MTSS1: variants seen among roughly 807,000 people sequenced by gnomAD.
The protein encoded by MTSS1 is protein MTSS 1.
Under a neutral mutation model 79.0 loss-of-function variants are expected in MTSS1, and 18 were observed. That is an observed-to-expected ratio of 0.23 (90% CI 0.16 to 0.34). The LOEUF (loss-of-function observed/expected upper bound fraction) is 0.34, where lower values mean the gene tolerates loss of function less well. Ranked by LOEUF, MTSS1 falls within the 10% of genes least tolerant of loss-of-function variation. The pLI, the probability that MTSS1 is intolerant of heterozygous loss-of-function variation, is 1.00. For missense variants in MTSS1, 815 were observed against 986.2 expected, an observed-to-expected ratio of 0.83 and a Z score of 2.33; for synonymous variants, 341 against 368.6, an observed-to-expected ratio of 0.93 and a Z score of 0.86.
chr8:124,575,228 C>G (rs1233662314), intron 6 of MTSS1, among the ~76,000 whole-genome samples: 1 of 152,042 alleles, frequency 6.6e-6, no homozygotes, highest in Non-Finnish European at 1.5e-5. Flanking sequence ...TTGACTGATT[C>G]CCAAAAGAAA....
chr8:124,556,134 A>G, intron 12 of MTSS1, 98 bp downstream of exon 12: 1 of 1,581,804 alleles, frequency 6.3e-7, no homozygotes, highest in Non-Finnish European at 8.6e-7. Flanking sequence ...AGGTCCCTCC[A>G]GCTGCAAGGC....
intron 1 of MTSS1, among the ~76,000 whole-genome samples, chr8:124,717,507 A>G (rs1832250227): frequency 6.6e-6 from 1 of 150,676 alleles, no homozygotes; most frequent in Non-Finnish European, 1.5e-5. Flanking sequence ...AGGCAGGAGA[A>G]TCACTTGAAC....
chr8:124,556,502 C>T, intron 11 of MTSS1, 97 bp from the exon 12 acceptor site: 1 of 1,338,448 alleles, frequency 7.5e-7, no homozygotes, highest in Non-Finnish European at 1.0e-6. Flanking sequence ...GCAGCTGGTC[C>T]CCTTAAGGGG....
At chr8:124,587,704 C>T (rs541107105) in intron 5 of MTSS1, among the ~76,000 whole-genome samples, 1 of 152,162 alleles carries the variant, frequency 6.6e-6, no homozygotes, top group South Asian at 2.1e-4. Flanking sequence ...GGGGTTTTGC[C>T]ATGTTGGCCA....
Position 124,727,004 on chromosome 8 carries a change from A to T in MTSS1, c.72+880T>A, listed in dbSNP as rs1833799948. On this transcript the variant is annotated intron_variant, in intron 1 of 13. Coordinates refer to ENST00000518547, the MANE Select transcript of MTSS1 (RefSeq NM_014751.6). The surrounding 1 kb of genome is among the most constrained non-coding windows in gnomAD (Gnocchi z 4.7). Reference sequence around the variant, plus strand: ...GGGCCCTGGTCTATCTCTAGGCACCAGAAAATCCACATCCGAGGATCAGGT... The same window carrying T: ...GGGCCCTGGTCTATCTCTAGGCACCTGAAAATCCACATCCGAGGATCAGGT... 6.6e-6 allele frequency among the ~76,000 whole-genome samples: 1 copy of T among 152,206 alleles called. No homozygotes were observed. Among genetic ancestry groups the T allele is most frequent in the African/African-American group, 2.4e-5 (1 of 41,442 alleles).
chr8:124,680,449 A>C (rs56218596), intron 3 of MTSS1, among the ~76,000 whole-genome samples: 3,932 of 152,302 alleles, frequency 0.026, 169 homozygotes, highest in African/African-American at 0.091. Flanking sequence ...AGGCCTAGGC[A>C]GCTGAGTCCC....
chr8:124,710,876 C>G (rs796612519), intron 1 of MTSS1, among the ~76,000 whole-genome samples: 1 of 152,080 alleles, frequency 6.6e-6, no homozygotes, highest in Non-Finnish European at 1.5e-5. Flanking sequence ...GGAGGACTTA[C>G]GTGAGGAGGA....
At chr8:124,586,847 G>A (rs1830945410) in intron 5 of MTSS1, among the ~76,000 whole-genome samples, 1 of 152,192 alleles carries the variant, frequency 6.6e-6, no homozygotes, top group African/African-American at 2.4e-5. Context: ...GTGCTTCTCT[G>A]TATGCAGTGG....
At chr8:124,636,253 T>C (rs1000475513) in intron 3 of MTSS1, among the ~76,000 whole-genome samples, 3 of 152,192 alleles carry the variant, frequency 2.0e-5, no homozygotes, top group Non-Finnish European at 4.4e-5. Flanking sequence ...CCTCAGCCTC[T>C]GGAGTAGCTC....
At chr8:124,621,019 A>G (rs1390741630) in intron 3 of MTSS1, among the ~76,000 whole-genome samples, 1 of 152,152 alleles carries the variant, frequency 6.6e-6, no homozygotes, top group African/African-American at 2.4e-5. Context: ...AGGCCAGAAA[A>G]GAAGAAGCAT....
intron 3 of MTSS1, among the ~76,000 whole-genome samples, chr8:124,632,241 C>T (rs1035604059): frequency 1.4e-5 from 2 of 145,012 alleles, no homozygotes; most frequent in Non-Finnish European, 3.0e-5. Flanking sequence ...ACCATAACCA[C>T]TGCACTCTAG....
intron 8 of MTSS1, among the ~76,000 whole-genome samples, chr8:124,566,480 CAT>C (rs1826495275): frequency 6.6e-6 from 1 of 152,186 alleles, no homozygotes. Context: ...CAAAAGCCAG[CAT>C]GTGATTCATC....
At chr8:124,614,658 A>G (rs1836507108) in intron 3 of MTSS1, among the ~76,000 whole-genome samples, 1 of 152,258 alleles carries the variant, frequency 6.6e-6, no homozygotes, top group Non-Finnish European at 1.5e-5. Context: ...AACTTAATCC[A>G]TTATATACCC....
At chr8:124,563,852 C>T (rs1171103382) in intron 9 of MTSS1, among the ~76,000 whole-genome samples, 3 of 152,278 alleles carry the variant, frequency 2.0e-5, no homozygotes, top group Middle Eastern at 3.4e-3. Flanking sequence ...TGCTCCTGGC[C>T]AGGTGCGGTG....
intron 3 of MTSS1, among the ~76,000 whole-genome samples, chr8:124,633,819 G>A (rs78803740): frequency 0.028 from 4,238 of 151,038 alleles, 175 homozygotes; most frequent in African/African-American, 0.097. Context: ...AGTGCCTTCT[G>A]AAGTAATGTT....
intron 3 of MTSS1, among the ~76,000 whole-genome samples, chr8:124,639,852 C>T (rs142416135): frequency 3.5e-4 from 54 of 152,176 alleles, no homozygotes; most frequent in African/African-American, 1.3e-3. Context: ...ATTTCTTGCC[C>T]CAATAGCTAA....
At chr8:124,618,713 T>C (rs1812883379) in intron 3 of MTSS1, among the ~76,000 whole-genome samples, 1 of 152,196 alleles carries the variant, frequency 6.6e-6, no homozygotes, top group Admixed American at 6.5e-5. Flanking sequence ...CAGCTCTCCA[T>C]AATGTAGCTG....
At chr8:124,654,443 C>G (rs1219903197) in intron 3 of MTSS1, among the ~76,000 whole-genome samples, 1 of 152,116 alleles carries the variant, frequency 6.6e-6, no homozygotes, top group Admixed American at 6.6e-5. Flanking sequence ...GGCATATTAA[C>G]GAGTTCTATA....
At chr8:124,675,707 T>C (rs573375291) in intron 3 of MTSS1, among the ~76,000 whole-genome samples, 2 of 152,322 alleles carry the variant, frequency 1.3e-5, no homozygotes, top group East Asian at 1.9e-4. Flanking sequence ...CCTATCTCTA[T>C]GGATTTACCT....
Sources: allele counts gnomAD v4.1 joint callset (sites outside exome capture counted in the v4.1 genomes callset), GRCh38; gene constraint gnomAD v4.1.1; non-coding constraint Gnocchi (gnomAD v3.1); transcripts MANE v1.5; gene names NCBI Gene and HGNC (gene_info 2026-07-23, HGNC 2026-07-21).